The following GLT1D1 variants were observed in gnomAD, a reference collection of about 807,000 sequenced individuals.
GLT1D1 encodes glycosyltransferase 1 domain containing 1, also known as glycosyltransferase 1 domain-containing protein 1.
A neutral mutation model predicts 28.7 loss-of-function variants in GLT1D1; 21 were observed. The observed-to-expected ratio is 0.73, with a 90% CI of 0.52 to 1.05. The LOEUF is 1.05. Ranked by LOEUF, GLT1D1 falls within the 50% of genes least tolerant of loss-of-function variation. The pLI is 0.00. For missense variants in GLT1D1, 343 were observed against 330.6 expected, an observed-to-expected ratio of 1.04 and a Z score of -0.29; for synonymous variants, 147 against 124.8, an observed-to-expected ratio of 1.18 and a Z score of -1.19.
intron 1 of GLT1D1, among the ~76,000 whole-genome samples, chr12:128,867,598 A>C (rs767933418): frequency 2.6e-5 from 4 of 152,004 alleles, no homozygotes; most frequent in Non-Finnish European, 5.9e-5. Context: ...TTGGGATCCC[A>C]TCTCACAGAT....
At chr12:128,963,128 G>A (rs763277644) in intron 7 of GLT1D1, among the ~76,000 whole-genome samples, 12 of 152,278 alleles carry the variant, frequency 7.9e-5, no homozygotes, top group Non-Finnish European at 1.0e-4. Flanking sequence ...TAACTCAGCC[G>A]GAGCACACTG....
intron 1 of GLT1D1, among the ~76,000 whole-genome samples, chr12:128,859,651 C>T (rs79530606): frequency 0.044 from 6,693 of 152,170 alleles, 195 homozygotes; most frequent in Non-Finnish European, 0.063. Flanking sequence ...CAGGGCCACG[C>T]GACACCTTCA....
intron 4 of GLT1D1, among the ~76,000 whole-genome samples, 170 bp from the exon 5 acceptor site, chr12:128,912,254 A>T (rs2135885466): frequency 6.6e-6 from 1 of 152,328 alleles, no homozygotes; most frequent in East Asian, 1.9e-4. Flanking sequence ...AAGCAGAAGT[A>T]ATGCTTTGCT....
intron 4 of GLT1D1, chr12:128,906,810 G>T: frequency 1.0e-5 from 6 of 583,734 alleles, no homozygotes; most frequent in Admixed American, 4.7e-5. Context: ...TGAAAGAAAA[G>T]TAACTTCTTC....
intron 1 of GLT1D1, among the ~76,000 whole-genome samples, chr12:128,861,091 T>C (rs538940912): frequency 3.9e-5 from 6 of 151,992 alleles, no homozygotes; most frequent in Non-Finnish European, 8.8e-5. Flanking sequence ...CCCCCCGTTA[T>C]GCTAAAACAG....
chr12:128,981,480 A>G (rs1880311355), intron 7 of GLT1D1, among the ~76,000 whole-genome samples: 1 of 147,856 alleles, frequency 6.8e-6, no homozygotes. Context: ...AACGGGAATA[A>G]ACATATTTTT....
At chr12:128,916,480 A>C (rs1036802088) in intron 4 of GLT1D1, among the ~76,000 whole-genome samples, 1 of 152,212 alleles carries the variant, frequency 6.6e-6, no homozygotes, top group East Asian at 1.9e-4. Flanking sequence ...AGAAGCTGAC[A>C]AGAGCTTCAG....
At chr12:128,943,327 A>G (rs1875582177) in intron 4 of GLT1D1, among the ~76,000 whole-genome samples, 2 of 151,270 alleles carry the variant, frequency 1.3e-5, no homozygotes, top group South Asian at 4.1e-4. Flanking sequence ...CTTTATTTAC[A>G]TAGTGCCACA....
chr12:128,949,077 G>A, intron 6 of GLT1D1, among the ~76,000 whole-genome samples: 1 of 152,126 alleles, frequency 6.6e-6, no homozygotes, highest in East Asian at 1.9e-4. Context: ...AGTCCTCGGG[G>A]CAATACATTT....
In GLT1D1 at chr12:128,944,157, T is replaced by C. The variant is rs1875717113; in HGVS notation, c.376-1169T>C. 3.8e-5 allele frequency: 13 copies of C among 341,952 alleles called. 1 individual carries two copies. The highest frequency in any genetic ancestry group is 3.3e-4 in the South Asian group (13 of 38,946). 21.2% of individuals were successfully genotyped at this position (341,952 alleles called of 1,614,324 possible). A position where few individuals can be genotyped will look rare whatever the true frequency, so the allele number is the denominator to read the frequency against. ...ATCAAATCAGTAGAAATAAAAGTCA[T>C]ATAATTTTCAAAGAATTCATACATA... is the stretch of plus-strand genomic sequence containing the variant. On this transcript the variant is annotated intron_variant, in intron 4 of 7. Transcript: ENST00000281703.
At chr12:128,932,354 C>G (rs1874011264) in intron 4 of GLT1D1, among the ~76,000 whole-genome samples, 1 of 152,168 alleles carries the variant, frequency 6.6e-6, no homozygotes, top group South Asian at 2.1e-4. Context: ...TGGAGCTGCA[C>G]GTCCAGCCCA....
At chr12:128,960,480 G>A (rs13377914) in intron 7 of GLT1D1, among the ~76,000 whole-genome samples, 4,811 of 152,188 alleles carry the variant, frequency 0.032, 111 homozygotes, top group African/African-American at 0.067. Flanking sequence ...ATATGAGGCC[G>A]GGCACAGTGG....
intron 4 of GLT1D1, among the ~76,000 whole-genome samples, chr12:128,914,307 G>GTTATT (rs1871861356): frequency 1.3e-5 from 2 of 152,206 alleles, no homozygotes; most frequent in Admixed American, 1.3e-4. Flanking sequence ...TTTGAAACCT[G>GTTATT]TTACTTCCTG....
chr12:128,894,724 CCTG>C (rs1869437474), intron 3 of GLT1D1, among the ~76,000 whole-genome samples: 4 of 151,946 alleles, frequency 2.6e-5, no homozygotes, highest in Admixed American at 6.6e-5. Context: ...GTGGTGCGTG[CCTG>C]TAATCCTAGC....
chr12:128,972,086 T>C (rs1026985992), intron 7 of GLT1D1, among the ~76,000 whole-genome samples: 1 of 151,872 alleles, frequency 6.6e-6, no homozygotes, highest in Non-Finnish European at 1.5e-5. Context: ...CCCTTGGGGA[T>C]CTTGGGCTGC....
chr12:128,934,867 T>G (rs895283727), intron 4 of GLT1D1, among the ~76,000 whole-genome samples: 15 of 151,664 alleles, frequency 9.9e-5, no homozygotes, highest in African/African-American at 3.4e-4. Context: ...AAGGACGGGG[T>G]CCAGGACAGG....
intron 7 of GLT1D1, among the ~76,000 whole-genome samples, chr12:128,974,200 C>T (rs1163943512): frequency 6.6e-6 from 1 of 152,088 alleles, no homozygotes; most frequent in Non-Finnish European, 1.5e-5. Flanking sequence ...AACATGCAGT[C>T]GGGACCCACC....
chr12:128,935,555 A>AG (rs1874465046), intron 4 of GLT1D1, among the ~76,000 whole-genome samples: 4 of 150,534 alleles, frequency 2.7e-5, no homozygotes. Flanking sequence ...AAAAAAAAAA[A>AG]GAACAATAGA....
intron 4 of GLT1D1, among the ~76,000 whole-genome samples, chr12:128,940,785 C>T (rs1374756256): frequency 1.3e-5 from 2 of 152,140 alleles, no homozygotes; most frequent in Non-Finnish European, 2.9e-5. Flanking sequence ...TGCCCCTGGC[C>T]TTTAAAAAGT....
Sources: allele counts gnomAD v4.1 joint callset (sites outside exome capture counted in the v4.1 genomes callset), GRCh38; gene constraint gnomAD v4.1.1; transcripts MANE v1.5; gene names NCBI Gene and HGNC (gene_info 2026-07-23, HGNC 2026-07-21).